Variants in ARHGEF6 observed in about 807,000 individuals in gnomAD.
ARHGEF6 encodes Rac/Cdc42 guanine nucleotide exchange factor 6, also known as rho guanine nucleotide exchange factor 6.
ARHGEF6 carries 9 observed loss-of-function variants against 70.3 expected under a neutral mutation model. The ratio of observed to expected loss-of-function variants is 0.13; its 90% CI spans 0.08 to 0.22. The LOEUF (loss-of-function observed/expected upper bound fraction) is 0.22, where lower values mean the gene tolerates loss of function less well. Ranked by LOEUF, ARHGEF6 falls within the 10% of genes least tolerant of loss-of-function variation. The pLI, the probability that ARHGEF6 is intolerant of heterozygous loss-of-function variation, is 1.00. For synonymous variants in ARHGEF6, 201 were observed against 207.8 expected (o/e 0.97, Z 0.28); for missense variants, 470 against 563.0 (o/e 0.83, Z 1.67).
At chrX:136,765,898 T>A (rs1336262793) in intron 2 of ARHGEF6, among the ~76,000 whole-genome samples, 1 of 112,368 alleles carries the variant, frequency 8.9e-6, no homozygotes, top group Non-Finnish European at 1.9e-5. Flanking sequence ...ACCAAAGAAA[T>A]GCAATATGAG....
chrX:136,667,661 T>C lies in ARHGEF6; in HGVS notation c.*368A>G. The C allele has an allele frequency of 4.3e-6, 1 of 231,018 alleles. No homozygotes were observed. The highest frequency in any genetic ancestry group is 7.9e-6 in the Non-Finnish European group (1 of 126,934). 19.0% of individuals were successfully genotyped at this position (231,018 alleles called of 1,213,427 possible). ...GAATGTGACCTGAGGGCAATGGCTG[T>C]TGCAGAGGCACTGTGAACTGAAGGC... is the stretch of plus-strand genomic sequence containing the variant. On this transcript the variant is annotated 3_prime_UTR_variant, in exon 22 of 22. Coordinates refer to ENST00000250617, the MANE Select transcript of ARHGEF6 (RefSeq NM_004840.3).
Position 136,667,806 on chromosome X carries a change from T to C in ARHGEF6, c.*223A>G, listed in dbSNP as rs1200534718. 1.6e-5 allele frequency: 6 copies of C among 376,754 alleles called. No individual in the cohort carries two copies. The highest frequency in any genetic ancestry group is 2.8e-5 in the African/African-American group (1 of 35,622). The allele number at this position is 376,754 out of a possible 1,213,427, so 31.0% of individuals were successfully genotyped here. ...CTTTTTCACCTGTTGAAAAAAAAAA[T>C]GAACAACCAACCAATAACCAAACAA... On this transcript the variant is annotated 3_prime_UTR_variant, in exon 22 of 22. Transcript: ENST00000250617.
At chrX:136,753,123 T>C (rs2077169809) in intron 2 of ARHGEF6, among the ~76,000 whole-genome samples, 1 of 112,529 alleles carries the variant, frequency 8.9e-6, no homozygotes, top group Non-Finnish European at 1.9e-5. Flanking sequence ...CCACTGGTAT[T>C]CCACTTACTA....
rs924880264 is a variant in ARHGEF6 at position 136,732,276 on chromosome X, T to A, written c.662-104A>T. ...ACTATAAAGATTCCCAGTGGAAGGA[T>A]CAATGGAAATGTACATTCCTAAACA... On this transcript the variant is annotated intron_variant, in intron 5 of 21. Transcript: ENST00000250617. 4.9e-6 allele frequency: 3 copies of A among 613,496 alleles called. No homozygotes were observed. The South Asian group carries it at 7.6e-5, about 15-fold the overall frequency. 50.6% of individuals were successfully genotyped at this position (613,496 alleles called of 1,213,427 possible).
intron 11 of ARHGEF6, among the ~76,000 whole-genome samples, chrX:136,686,623 CACATATATATATATATAT>C (rs1569393837): frequency 3.1e-4 from 13 of 42,588 alleles, no homozygotes; most frequent in African/African-American, 1.7e-3. Context: ...TATATATATA[CACATATATATATATATAT>C]ACACACATAT....
intron 2 of ARHGEF6, among the ~76,000 whole-genome samples, chrX:136,753,845 T>A (rs1051890506): frequency 1.8e-5 from 2 of 112,517 alleles, no homozygotes; most frequent in African/African-American, 6.5e-5. Flanking sequence ...GACCTATTTA[T>A]AAATTCTGGC....
At chrX:136,721,777 G>A (rs761572077) in intron 6 of ARHGEF6, among the ~76,000 whole-genome samples, 18 of 111,197 alleles carry the variant, frequency 1.6e-4, no homozygotes, top group Non-Finnish European at 3.0e-4. Flanking sequence ...AGGGGCTGGG[G>A]AAGTTGGGGG....
chrX:136,669,618 T>C, intron 20 of ARHGEF6, 82 bp from the exon 21 acceptor site: 1 of 798,389 alleles, frequency 1.3e-6, no homozygotes, highest in Non-Finnish European at 1.9e-6. Flanking sequence ...AGCCACTTTA[T>C]AAAAATACAG....
chrX:136,779,689 G>A (rs2077432478), intron 1 of ARHGEF6, among the ~76,000 whole-genome samples, 192 bp from the exon 2 acceptor site: 1 of 111,756 alleles, frequency 8.9e-6, no homozygotes, highest in African/African-American at 3.3e-5. Flanking sequence ...TGTTTCAAAT[G>A]TCACCAAACC....
intron 9 of ARHGEF6, among the ~76,000 whole-genome samples, chrX:136,704,017 A>G (rs1372933249): frequency 8.9e-6 from 1 of 112,801 alleles, no homozygotes; most frequent in African/African-American, 3.2e-5. Context: ...CAAGGTAGAC[A>G]TGTATCTGGT....
intron 18 of ARHGEF6, 115 bp from the exon 19 acceptor site, chrX:136,675,211 A>C (rs1358030780): frequency 3.2e-6 from 2 of 633,055 alleles, no homozygotes; most frequent in Non-Finnish European, 5.1e-6. Context: ...AGTTTGTGAA[A>C]GGCAGGAGAA....
intron 9 of ARHGEF6, among the ~76,000 whole-genome samples, chrX:136,705,178 G>A (rs750546070): frequency 9.1e-6 from 1 of 110,056 alleles, no homozygotes; most frequent in Non-Finnish European, 1.9e-5. Context: ...GGTCGTGGTG[G>A]TGCGTGCCTG....
At chrX:136,737,536 T>G (rs2076998976) in intron 5 of ARHGEF6, 1 of 732,663 alleles carries the variant, frequency 1.4e-6, no homozygotes, top group Admixed American at 9.6e-5. Context: ...TTTCCTAAGC[T>G]TATACATTAG....
chrX:136,760,529 AT>A (rs1175366715), intron 2 of ARHGEF6, among the ~76,000 whole-genome samples: 1 of 112,628 alleles, frequency 8.9e-6, no homozygotes, highest in African/African-American at 3.2e-5. Context: ...AAACAAGATA[AT>A]TTACATCTCC....
At chrX:136,742,287 C>A (rs523143) in intron 5 of ARHGEF6, among the ~76,000 whole-genome samples, 4,193 of 111,093 alleles carry the variant, frequency 0.038, 190 homozygotes, top group African/African-American at 0.13. Flanking sequence ...CCACTGCACT[C>A]CAGCCTGGGT....
chrX:136,737,539 T>C, intron 5 of ARHGEF6: 1 of 723,853 alleles, frequency 1.4e-6, no homozygotes, highest in Non-Finnish European at 1.6e-6. Context: ...CCTAAGCTTA[T>C]ACATTAGTAT....
At chrX:136,776,946 C>A (rs868313570) in intron 2 of ARHGEF6, among the ~76,000 whole-genome samples, 1 of 110,627 alleles carries the variant, frequency 9.0e-6, no homozygotes, top group Non-Finnish European at 1.9e-5. Context: ...ACAAATAGGC[C>A]GGGTGCGGTG....
rs1474818202 is a variant in ARHGEF6, at chrX:136,675,179, G to A, written c.1946-83C>T. 5 of 846,155 alleles carry A rather than the reference G, an allele frequency of 5.9e-6. No individual in the cohort carries two copies. The Admixed American group carries it at 9.9e-5, about 17-fold the overall frequency. The allele number at this position is 846,155 out of a possible 1,213,427, so 69.7% of individuals were successfully genotyped here. Reference sequence around the variant, plus strand: ...TGATGCAGCACACTCCACTGCCTGGGACTGGCTTCTCTGACCAGTAGAGTT... The same window carrying A: ...TGATGCAGCACACTCCACTGCCTGGAACTGGCTTCTCTGACCAGTAGAGTT... On this transcript the variant is annotated intron_variant, in intron 18 of 21. Coordinates refer to ENST00000250617, the MANE Select transcript of ARHGEF6 (RefSeq NM_004840.3).
Position 136,675,203 on chromosome X carries a change from T to C in ARHGEF6, c.1946-107A>G. 4 of 670,022 alleles carry C rather than the reference T, an allele frequency of 6.0e-6. No homozygotes were observed. The Admixed American group carries it at 1.0e-4, about 18-fold the overall frequency. The allele number at this position is 670,022 out of a possible 1,213,427, so 55.2% of individuals were successfully genotyped here. A position where few individuals can be genotyped will look rare whatever the true frequency, so the allele number is the denominator to read the frequency against. ...GGACTGGCTTCTCTGACCAGTAGAG[T>C]TTGTGAAAGGCAGGAGAAAGAGCTG... On this transcript the variant is annotated intron_variant, in intron 18 of 21. Coordinates refer to ENST00000250617, the MANE Select transcript of ARHGEF6 (RefSeq NM_004840.3).
Sources: gnomAD v4.1 joint callset for allele counts (sites outside exome capture counted in the v4.1 genomes callset) on GRCh38, gnomAD v4.1.1 for gene constraint, MANE v1.5 for transcripts, NCBI Gene and HGNC (gene_info 2026-07-23, HGNC 2026-07-21) for gene names.